The following NUP62 variants were observed in gnomAD, a reference collection of about 807,000 sequenced individuals.
NUP62 encodes nuclear pore glycoprotein p62.
For missense variants in NUP62, 647 were observed against 689.4 expected (o/e 0.94, Z 0.69); for synonymous variants, 305 against 303.4 (o/e 1.01, Z -0.05).
At chr19:49,920,980 G>A (rs1432593960) in intron 2 of NUP62, among the ~76,000 whole-genome samples, 4 of 152,172 alleles carry the variant, frequency 2.6e-5, no homozygotes, top group Admixed American at 6.5e-5. Flanking sequence ...TGCTATGGAG[G>A]TTTCTCTGGG....
At chr19:49,920,571 G>A (rs1334422057) in intron 2 of NUP62, among the ~76,000 whole-genome samples, 3 of 152,218 alleles carry the variant, frequency 2.0e-5, no homozygotes, top group African/African-American at 7.2e-5. Flanking sequence ...GGAAGGGGTT[G>A]AGAGGCCTCC....
At chr19:49,920,323 C>T (rs1568717576) in intron 2 of NUP62, among the ~76,000 whole-genome samples, 1 of 152,184 alleles carries the variant, frequency 6.6e-6, no homozygotes, top group African/African-American at 2.4e-5. Flanking sequence ...CCTTGAGATC[C>T]GCCCACCTCG....
rs975666499 is a variant in NUP62, at chr19:49,907,896, G to A, written c.*343C>T. On this transcript the variant is annotated 3_prime_UTR_variant, in exon 3 of 3. Coordinates refer to ENST00000352066, the MANE Select transcript of NUP62 (RefSeq NM_016553.5). ...CACCTATGACTATGCTTTGGAGAGAGTGGCTGCCCCCACGACCCTGGCTGG... is the reference window on the plus strand; with the variant it reads ...CACCTATGACTATGCTTTGGAGAGAATGGCTGCCCCCACGACCCTGGCTGG... 9 of 420,838 alleles carry A rather than the reference G, an allele frequency of 2.1e-5. No individual in the cohort carries two copies. Among genetic ancestry groups the A allele is most frequent in the Admixed American group, 2.0e-4 (5 of 25,538 alleles). 26.1% of individuals were successfully genotyped at this position (420,838 alleles called of 1,614,324 possible).
chr19:49,915,377 G>A (rs1409941085), intron 2 of NUP62, among the ~76,000 whole-genome samples: 3 of 152,188 alleles, frequency 2.0e-5, no homozygotes, highest in Non-Finnish European at 4.4e-5. Flanking sequence ...GAGACACTGT[G>A]CTGCTGGCTT....
At chr19:49,922,003 C>T (rs2075776279) in intron 2 of NUP62, among the ~76,000 whole-genome samples, 1 of 152,202 alleles carries the variant, frequency 6.6e-6, no homozygotes. Context: ...ACCACGACCA[C>T]GAGGGACCAA....
Position 49,909,250 on chromosome 19 carries a change from G to C in NUP62, c.558C>G (p.Ala186=), listed in dbSNP as rs983678981. The C allele has an allele frequency of 1.9e-6, 3 of 1,614,000 alleles. No homozygotes were observed. The African/African-American group carries it at 4.0e-5, about 22-fold the overall frequency. ...AGNSAQPTAP[A]TLPFTPATPA... ...GCGTGGCCGGAGTGAAGGGCAACGT[G>C]GCAGGTGCCGTGGGCTGGGCTGAAT... is the stretch of plus-strand genomic sequence containing the variant. Residue 186 remains alanine (A), a synonymous_variant, in exon 3 of 3, where the codon GCC becomes GCG. Transcript: ENST00000352066.
rs1218592190 is a variant in NUP62, at chr19:49,908,206, C to T, written c.*33G>A. 1 of 1,608,764 alleles carries T rather than the reference C, an allele frequency of 6.2e-7. No homozygotes were observed. The highest frequency in any genetic ancestry group is 8.5e-7 in the Non-Finnish European group (1 of 1,179,416). ...AGGGCGCATTCCCCTCATGAACTCC[C>T]TAGGGACCTGCGGGCCCCAGGGCTG... On this transcript the variant is annotated 3_prime_UTR_variant, in exon 3 of 3. Coordinates refer to ENST00000352066, the MANE Select transcript of NUP62 (RefSeq NM_016553.5).
chr19:49,914,781 C>T (rs111928045), intron 2 of NUP62, among the ~76,000 whole-genome samples: 26,016 of 136,704 alleles, frequency 0.19, 2,734 homozygotes, highest in Middle Eastern at 0.25. Context: ...GCTCTGCCAC[C>T]CAGGCTGGAG....
intron 1 of NUP62, chr19:49,928,980 G>C (rs1156563878): frequency 6.6e-6 from 1 of 152,586 alleles, no homozygotes; most frequent in Non-Finnish European, 1.5e-5. Flanking sequence ...CAAGGAGAGG[G>C]CTGGATCCCC....
chr19:49,909,403 T>C lies in NUP62; in HGVS notation c.405A>G (p.Thr135=). 6.2e-7 allele frequency: 1 copy of C among 1,613,822 alleles called. No homozygotes were observed. The highest frequency in any genetic ancestry group is 8.5e-7 in the Non-Finnish European group (1 of 1,180,034). Residue 135 remains threonine, a synonymous_variant, in exon 3 of 3, where the codon ACA becomes ACG. Transcript: ENST00000352066. The part of the protein sequence containing the change: ...ISSTVTSSQG[T]APTGFVFGPS... ...GGCCAAACACAAAGCCGGTGGGTGC[T>C]GTGCCCTGGCTGGAGGTGACGGTGC...
intron 2 of NUP62, among the ~76,000 whole-genome samples, chr19:49,927,466 T>A (rs989360303): frequency 1.3e-5 from 2 of 152,214 alleles, no homozygotes; most frequent in Non-Finnish European, 2.9e-5. Context: ...AAAGCTGTTC[T>A]AGGCCGCATG....
Position 49,908,310 on chromosome 19 carries a change from C to T in NUP62, c.1498G>A (p.Glu500Lys). 6.2e-7 allele frequency: 1 copy of T among 1,614,134 alleles called. No individual in the cohort carries two copies. Among genetic ancestry groups the T allele is most frequent in the African/African-American group, 1.3e-5 (1 of 75,050 alleles). ...CCCTCGCACACCTTGGTCACCTCCT[C>T]CACCTTCCTCTGCAGCAGGGCCGAG... ...QNSALLQRKVEEVTKVCEGRR... is the reference protein window; with the variant it reads ...QNSALLQRKVKEVTKVCEGRR... The change falls in exon 3 of 3, where the codon GAG becomes AAG. Residue 500 changes from glutamate to lysine, a missense_variant. Transcript: ENST00000352066.
At chr19:49,927,133 C>T (rs909670847) in intron 2 of NUP62, among the ~76,000 whole-genome samples, 4 of 152,048 alleles carry the variant, frequency 2.6e-5, no homozygotes, top group African/African-American at 9.7e-5. Flanking sequence ...GGTGGTGGGA[C>T]TACAGGCATG....
In NUP62 at chr19:49,907,326, G is replaced by A; in HGVS notation, c.*913C>T. On this transcript the variant is annotated 3_prime_UTR_variant, in exon 3 of 3. Coordinates refer to ENST00000352066, the MANE Select transcript of NUP62 (RefSeq NM_016553.5). ...TGAGGCCCAAGGTGGGGGTGAGCCTGGGCCAGGCAAAAGGCAGGCCTCTCG... is the reference window on the plus strand; with the variant it reads ...TGAGGCCCAAGGTGGGGGTGAGCCTAGGCCAGGCAAAAGGCAGGCCTCTCG... The A allele has an allele frequency of 3.1e-6, 1 of 321,438 alleles. No homozygotes were observed. 19.9% of individuals were successfully genotyped at this position (321,438 alleles called of 1,614,324 possible). A position where few individuals can be genotyped will look rare whatever the true frequency, so the allele number is the denominator to read the frequency against.
In NUP62 at chr19:49,909,601, TGTGGCCGGAGTCTGG is replaced by T. The variant is rs751264947; in HGVS notation, c.192_206del (p.Pro67_Thr71del). 2.5e-4 allele frequency: 404 copies of T among 1,613,992 alleles called. 2 individuals carry two copies. Among genetic ancestry groups the T allele is most frequent in the Admixed American group, 3.2e-4 (19 of 59,984 alleles). Reference sequence around the variant, plus strand: ...TTCCAAAAGTGAAGCCTGTCGTCTGTGTGGCCGGAGTCTGGGTGGCAAGTGAGAACAGGCCGGTGG... The same window carrying T: ...TTCCAAAAGTGAAGCCTGTCGTCTGTGTGGCAAGTGAGAACAGGCCGGTGG... On this transcript the variant is annotated inframe_deletion, in exon 3 of 3. Transcript: ENST00000352066.
At chr19:49,925,059 C>T (rs530080430) in intron 2 of NUP62, among the ~76,000 whole-genome samples, 4 of 151,930 alleles carry the variant, frequency 2.6e-5, no homozygotes, top group East Asian at 1.9e-4. Context: ...TTCGGGAGTT[C>T]GAGACCAGCC....
chr19:49,928,212 G>A (rs553544780), intron 1 of NUP62: 2 of 152,344 alleles, frequency 1.3e-5, no homozygotes, highest in South Asian at 2.1e-4. Flanking sequence ...GGGCCCCAGA[G>A]TTCCTATTAA....
chr19:49,916,469 C>T (rs1340477919), intron 2 of NUP62, among the ~76,000 whole-genome samples: 1 of 147,356 alleles, frequency 6.8e-6, no homozygotes, highest in East Asian at 2.0e-4. Flanking sequence ...ATTTTTGTAT[C>T]TCTACTAAAA....
chr19:49,918,420 CT>C (rs2075679654), intron 2 of NUP62: 1 of 152,144 alleles, frequency 6.6e-6, no homozygotes, highest in Non-Finnish European at 1.5e-5. Flanking sequence ...TCTCCCACCC[CT>C]ATATGTTCAC....
Sources: gnomAD v4.1 joint callset for allele counts (sites outside exome capture counted in the v4.1 genomes callset) on GRCh38, gnomAD v4.1.1 for gene constraint, MANE v1.5 for transcripts, NCBI Gene and HGNC (gene_info 2026-07-23, HGNC 2026-07-21) for gene names.